Variants in MEGF6 observed in about 807,000 individuals in gnomAD.
The protein encoded by MEGF6 is multiple EGF like domains 6, also known as multiple epidermal growth factor-like domains protein 6.
Under a neutral mutation model 207.1 loss-of-function variants are expected in MEGF6, and 184 were observed. The observed-to-expected ratio is 0.89, with a 90% CI of 0.79 to 1.00. The LOEUF (loss-of-function observed/expected upper bound fraction) is 1.00. Among genes scored for constraint, MEGF6 ranks in the 50% least tolerant of loss-of-function variants. The pLI is 0.00. For synonymous variants in MEGF6, 1,038 were observed against 910.0 expected (o/e 1.14, Z -2.53); for missense variants, 2,282 against 2,202.9 (o/e 1.04, Z -0.72).
At chr1:3,531,925 C>T (rs112286438) in intron 4 of MEGF6, among the ~76,000 whole-genome samples, 10,661 of 152,230 alleles carry the variant, frequency 0.07, 538 homozygotes, top group Admixed American at 0.13. Context: ...GCTGCAGCAC[C>T]GATGTGGAAA....
upstream of MEGF6, among the ~76,000 whole-genome samples, chr1:3,615,712 C>T (rs1184138834): frequency 2.0e-5 from 3 of 152,232 alleles, no homozygotes; most frequent in African/African-American, 2.4e-5. Flanking sequence ...CATGGAAGCC[C>T]GCGTGTGGGA....
At position 3,511,671 on chromosome 1, in the gene MEGF6, G is replaced by A. The variant is rs766070029; in HGVS notation, c.993C>T (p.Ile331=). 1.5e-5 allele frequency: 24 copies of A among 1,608,770 alleles called. No homozygotes were observed. The highest frequency in any genetic ancestry group is 1.5e-5 in the Non-Finnish European group (18 of 1,176,618). ...GRQCYRIEME[I]VNSCEANNGG... ...CGTTGTTGGCCTCACAGCTGTTCAC[G>A]ATTTCCATCTCAATCCCTGCCGTGA... Residue 331 remains isoleucine, a synonymous_variant, in exon 9 of 37, where the codon ATC becomes ATT. Transcript: ENST00000356575.
intron 4 of MEGF6, among the ~76,000 whole-genome samples, chr1:3,571,092 G>C (rs1159981164): frequency 6.6e-6 from 1 of 152,182 alleles, no homozygotes; most frequent in East Asian, 1.9e-4. Flanking sequence ...ACAGCCTGGG[G>C]AGCAGGACAC....
chr1:3,533,710 C>T (rs115731794), intron 4 of MEGF6, among the ~76,000 whole-genome samples: 2,755 of 152,300 alleles, frequency 0.018, 36 homozygotes, highest in East Asian at 0.041. Flanking sequence ...TGTCCCTCTC[C>T]GCCTGCTACA....
rs1269022838 is a variant in MEGF6 at position 3,518,912 on chromosome 1, C to T, written c.605-3385G>A. Among the ~76,000 whole-genome samples, 3 of 152,168 alleles carry T rather than the reference C, an allele frequency of 2.0e-5. No homozygotes were observed. The South Asian group carries it at 6.2e-4, about 32-fold the overall frequency. Reference sequence around the variant, plus strand: ...TGTACACCTGCCCCCATCCCCTGCCCTCTCAATGGGGCCTCCTTGTTGCAC... The same window carrying T: ...TGTACACCTGCCCCCATCCCCTGCCTTCTCAATGGGGCCTCCTTGTTGCAC... On this transcript the variant is annotated intron_variant, in intron 5 of 36. Transcript: ENST00000356575.
chr1:3,599,592 G>T (rs1644126824), intron 2 of MEGF6, among the ~76,000 whole-genome samples: 2 of 152,356 alleles, frequency 1.3e-5, no homozygotes, highest in Admixed American at 6.5e-5. Flanking sequence ...GCCTGGGCAG[G>T]GTGCCTGCCG....
At position 3,497,263 on chromosome 1, in the gene MEGF6, G is replaced by A. The variant is rs779809061; in HGVS notation, c.3451C>T (p.Pro1151Ser). ...HHVTGACRCP[P>S]GFTGSGCEQA... ...TCGCAGCCGGAGCCAGTGAAGCCAG[G>A]GGGACAGCGGCAGGCCCCAGTGACG... Residue 1151 changes from proline (P) to serine (S), a missense_variant, in exon 27 of 37, where the codon CCT becomes TCT. Coordinates refer to ENST00000356575, the MANE Select transcript of MEGF6 (RefSeq NM_001409.4). 3 of 1,525,056 alleles carry A rather than the reference G, an allele frequency of 2.0e-6. No individual in the cohort carries two copies. The highest frequency in any genetic ancestry group is 2.6e-6 in the Non-Finnish European group (3 of 1,139,558). 94.5% of individuals were successfully genotyped at this position (1,525,056 alleles called of 1,614,324 possible). A position where few individuals can be genotyped will look rare whatever the true frequency, so the allele number is the denominator to read the frequency against.
chr1:3,602,133 C>T (rs537308971), intron 2 of MEGF6, among the ~76,000 whole-genome samples: 11 of 152,346 alleles, frequency 7.2e-5, no homozygotes, highest in South Asian at 4.1e-4. Flanking sequence ...GAAGCAGCAG[C>T]CTCCCACCGG....
At chr1:3,522,780 C>A (rs983143394) in intron 5 of MEGF6, among the ~76,000 whole-genome samples, 3 of 152,148 alleles carry the variant, frequency 2.0e-5, no homozygotes, top group Non-Finnish European at 4.4e-5. Flanking sequence ...ACTGGGCTGA[C>A]ACCTGGGCTG....
intron 9 of MEGF6, among the ~76,000 whole-genome samples, chr1:3,511,107 G>A (rs768771672): frequency 2.0e-5 from 3 of 152,218 alleles, no homozygotes; most frequent in South Asian, 2.1e-4. Flanking sequence ...GCACATGCAC[G>A]TTCCTGGTCC....
intron 4 of MEGF6, among the ~76,000 whole-genome samples, chr1:3,540,317 C>T (rs1642474615): frequency 6.6e-6 from 1 of 152,248 alleles, no homozygotes; most frequent in Non-Finnish European, 1.5e-5. Context: ...GGAAATGCTG[C>T]CATCCTGCCT....
intron 5 of MEGF6, among the ~76,000 whole-genome samples, chr1:3,520,058 G>C (rs1173171439): frequency 1.3e-5 from 2 of 152,250 alleles, no homozygotes; most frequent in East Asian, 3.8e-4. Context: ...GGCATGGGCC[G>C]AGAAGGGGAG....
chr1:3,502,008 GC>G, intron 17 of MEGF6, 87 bp from the exon 18 acceptor site: 2 of 1,117,044 alleles, frequency 1.8e-6, no homozygotes, highest in Non-Finnish European at 1.1e-6. Context: ...TGGTGAGTGT[GC>G]CCCCTGTGCC....
chr1:3,505,138 C>T (rs926926138), intron 17 of MEGF6, 70 bp downstream of exon 17: 2 of 1,570,998 alleles, frequency 1.3e-6, no homozygotes, highest in Non-Finnish European at 1.7e-6. Flanking sequence ...CTGAAGCCTA[C>T]CCTCCAGCCA....
intron 35 of MEGF6, 33 bp from the exon 36 acceptor site, chr1:3,490,992 C>A (rs191696393): frequency 3.9e-6 from 6 of 1,553,614 alleles, no homozygotes; most frequent in East Asian, 2.3e-5. Flanking sequence ...CATGTTAGTA[C>A]CCCCAGCCTT....
chr1:3,532,930 AG>A (rs1553197890), intron 4 of MEGF6, among the ~76,000 whole-genome samples: 1 of 152,216 alleles, frequency 6.6e-6, no homozygotes, highest in Non-Finnish European at 1.5e-5. Context: ...GAGGAAACTG[AG>A]GCCCAGACAG....
At position 3,510,864 on chromosome 1, in the gene MEGF6, C is replaced by T; in HGVS notation, c.1153G>A (p.Val385Met). The T allele has an allele frequency of 6.2e-7, 1 of 1,610,156 alleles. No homozygotes were observed. Among genetic ancestry groups the T allele is most frequent in the Non-Finnish European group, 8.5e-7 (1 of 1,177,734 alleles). Residue 385 changes from valine to methionine, a missense_variant, in exon 10 of 37, where the codon GTG becomes ATG. Coordinates refer to ENST00000356575, the MANE Select transcript of MEGF6 (RefSeq NM_001409.4). ...DCADSPCCQQ[V>M]CTNNPGGYEC... is the part of the protein sequence containing the mutation. The stretch of plus-strand genomic sequence containing the variant: ...TACCCGCCAGGGTTGTTGGTGCACA[C>T]CTGCTGGCAGCACGGGCTGTCTGCA...
chr1:3,579,886 C>T lies in MEGF6; in HGVS notation c.420G>A (p.Val140=), dbSNP rs997307736. 4 of 1,538,032 alleles carry T rather than the reference C, an allele frequency of 2.6e-6. No individual in the cohort carries two copies. Among genetic ancestry groups the T allele is most frequent in the Non-Finnish European group, 3.5e-6 (4 of 1,150,308 alleles). Residue 140 remains valine, a synonymous_variant, in exon 4 of 37, where the codon GTG becomes GTA. Coordinates refer to ENST00000356575, the MANE Select transcript of MEGF6 (RefSeq NM_001409.4). ...ASLCFHGGRC[V]PGSAQPCHCP... ...AGTGACACGGCTGGGCTGAGCCTGG[C>T]ACACAACGGCCACCGTGAAAACAGA...
Position 3,510,788 on chromosome 1 carries a change from C to G in MEGF6, c.1229G>C (p.Cys410Ser). The G allele has an allele frequency of 6.2e-7, 1 of 1,603,772 alleles. No homozygotes were observed. Among genetic ancestry groups the G allele is most frequent in the East Asian group, 2.2e-5 (1 of 44,604 alleles). Residue 410 changes from cysteine to serine, a missense_variant, in exon 10 of 37, where the codon TGT (cysteine) becomes TCT (serine). Cys to Ser is a moderately radical substitution (Grantham distance 112). Transcript: ENST00000356575. ...GYRLSADGCGCEDVDECASSR... is the reference protein window; with the variant it reads ...GYRLSADGCGSEDVDECASSR... ...AGTGGCAGGGCAGTGCTCACCCTCACAGCCGCAGCCATCGGCACTGAGCCG... is the reference window on the plus strand; with the variant it reads ...AGTGGCAGGGCAGTGCTCACCCTCAGAGCCGCAGCCATCGGCACTGAGCCG...
Sources: allele counts gnomAD v4.1 joint callset (sites outside exome capture counted in the v4.1 genomes callset), GRCh38; gene constraint gnomAD v4.1.1; transcripts MANE v1.5; gene names NCBI Gene and HGNC (gene_info 2026-07-23, HGNC 2026-07-21).